Variants in PCDHA6 observed in about 807,000 individuals in gnomAD.
The protein encoded by PCDHA6 is protocadherin alpha-6.
In PCDHA6, 55 loss-of-function variants were observed where a neutral mutation model predicts 60.3. The observed-to-expected ratio is 0.91, with a 90% confidence interval of 0.73 to 1.14. PCDHA6 has a LOEUF of 1.14. Among genes scored for constraint, PCDHA6 ranks in the 50% most tolerant of loss-of-function variants. The probability of loss-of-function intolerance (pLI) is 0.00; values close to 1 mark genes in which losing one functional copy is unlikely to be tolerated. For synonymous variants in PCDHA6, 652 were observed against 557.9 expected, an observed-to-expected ratio of 1.17 and a Z score of -2.38; for missense variants, 1,327 against 1,256.5, an observed-to-expected ratio of 1.06 and a Z score of -0.85.
rs1554131652 is a variant in PCDHA6, at chr5:140,828,936, A to G, written c.845A>G (p.Asn282Ser). ...GANGAISYSF[N>S]SLVAAMVIDH... ...AATGGGGCAATTTCATATTCTTTTA[A>G]TAGCCTTGTTGCAGCCATGGTTATT... is the stretch of plus-strand genomic sequence containing the variant. Residue 282 changes from asparagine to serine, a missense_variant, in exon 1 of 4, where the codon AAT becomes AGT. Coordinates refer to ENST00000529310, the MANE Select transcript of PCDHA6 (RefSeq NM_018909.4). 5 of 1,614,144 alleles carry G rather than the reference A, an allele frequency of 3.1e-6. No homozygotes were observed. The highest frequency in any genetic ancestry group is 4.2e-6 in the Non-Finnish European group (5 of 1,180,064).
intron 1 of PCDHA6, among the ~76,000 whole-genome samples, chr5:140,941,202 C>CCTTTCTTCCTTTCTTTCTTTCTTT (rs1394736170): frequency 4.2e-3 from 519 of 122,694 alleles, no homozygotes; most frequent in African/African-American, 7.8e-3. Flanking sequence ...TTTCTTTCTT[C>CCTTTCTTCCTTTCTTTCTTTCTTT]CTTTCTTTCT....
At chr5:140,928,319 A>AGAAT (rs1554205765) in intron 1 of PCDHA6, 1 of 1,614,082 alleles carries the variant, frequency 6.2e-7, no homozygotes, top group Non-Finnish European at 8.5e-7. Flanking sequence ...GACCTGGGGA[A>AGAAT]GAATGGCCTT....
intron 1 of PCDHA6, chr5:140,856,495 T>C: frequency 6.3e-7 from 1 of 1,598,444 alleles, no homozygotes; most frequent in South Asian, 1.1e-5. Context: ...TGCTTGACTC[T>C]CGATTTCCAC....
chr5:140,969,028 A>G (rs1554231371), intron 1 of PCDHA6: 1 of 1,614,208 alleles, frequency 6.2e-7, no homozygotes, highest in Non-Finnish European at 8.5e-7. Context: ...GGTCCCCTGC[A>G]GAACTGTACA....
chr5:140,884,253 C>G (rs1356283866), intron 1 of PCDHA6: 2 of 1,613,302 alleles, frequency 1.2e-6, no homozygotes, highest in Non-Finnish European at 1.7e-6. Flanking sequence ...CTGACGGCCA[C>G]GGCAACGGTG....
Position 140,828,172 on chromosome 5 carries a change from G to T in PCDHA6, c.81G>T (p.Gly27=). The change falls in exon 1 of 4, where the codon GGG becomes GGT. Residue 27 remains glycine, a synonymous_variant. Transcript: ENST00000529310. The part of the protein sequence containing the change: ...PLLLLAAWKV[G]SGQLHYSVPE... ...TGCTCCTCGCAGCCTGGAAGGTGGG[G>T]AGCGGCCAGCTCCACTACTCCGTAC... 4 of 1,614,172 alleles carry T rather than the reference G, an allele frequency of 2.5e-6. No individual in the cohort carries two copies. Among genetic ancestry groups the T allele is most frequent in the South Asian group, 2.2e-5 (2 of 91,080 alleles).
At chr5:140,877,663 C>G in intron 1 of PCDHA6, 4 of 1,613,552 alleles carry the variant, frequency 2.5e-6, no homozygotes, top group Non-Finnish European at 3.4e-6. Context: ...CACCGTGAGC[C>G]GGTGCGCGCC....
intron 1 of PCDHA6, chr5:140,968,408 A>G: frequency 6.2e-7 from 1 of 1,613,980 alleles, no homozygotes; most frequent in Non-Finnish European, 8.5e-7. Flanking sequence ...GTTCTTTGTG[A>G]CTGTGGAGGC....
At chr5:140,834,568 G>A (rs2150221321) in intron 1 of PCDHA6, 2 of 1,613,978 alleles carry the variant, frequency 1.2e-6, no homozygotes, top group South Asian at 1.1e-5. Flanking sequence ...CTGGTGCCGC[G>A]CCTGTTCCGG....
chr5:140,946,019 C>CA (rs1222084270), intron 1 of PCDHA6, among the ~76,000 whole-genome samples: 3 of 151,732 alleles, frequency 2.0e-5, no homozygotes, highest in Non-Finnish European at 4.4e-5. Flanking sequence ...TCCTGCGCAG[C>CA]AAAGAAAACA....
intron 1 of PCDHA6, chr5:140,877,514 G>C: frequency 6.2e-7 from 1 of 1,613,764 alleles, no homozygotes; most frequent in South Asian, 1.1e-5. Context: ...ACGTCGTCGC[G>C]GGCCTCAGTG....
intron 1 of PCDHA6, among the ~76,000 whole-genome samples, chr5:140,831,530 T>C (rs1204695597): frequency 6.7e-6 from 1 of 150,262 alleles, no homozygotes; most frequent in Non-Finnish European, 1.5e-5. Flanking sequence ...CTTTTTTTTT[T>C]TTTTTTTTTT....
chr5:140,910,580 C>T (rs1384259049), intron 1 of PCDHA6, among the ~76,000 whole-genome samples: 1 of 152,162 alleles, frequency 6.6e-6, no homozygotes, highest in Non-Finnish European at 1.5e-5. Flanking sequence ...CTGGATCCTC[C>T]CAGCTGGGAT....
At chr5:140,838,842 A>G (rs1775908349) in intron 1 of PCDHA6, among the ~76,000 whole-genome samples, 1 of 151,970 alleles carries the variant, frequency 6.6e-6, no homozygotes. Flanking sequence ...GGATCACTTA[A>G]GCCAGGGAGG....
chr5:140,913,276 CT>C (rs1468388675), intron 1 of PCDHA6, among the ~76,000 whole-genome samples: 1 of 152,070 alleles, frequency 6.6e-6, no homozygotes, highest in Non-Finnish European at 1.5e-5. Flanking sequence ...TGTTATTGGT[CT>C]GTTTAGGTTT....
rs2150157633 is a variant in PCDHA6 at position 140,828,635 on chromosome 5, G to GTGAAAATAAACAGTGA, written c.548_563dup (p.Asp188GlufsTer5). The GTGAAAATAAACAGTGA allele has an allele frequency of 6.2e-7, 1 of 1,614,212 alleles. No homozygotes were observed. Among genetic ancestry groups the GTGAAAATAAACAGTGA allele is most frequent in the Non-Finnish European group, 8.5e-7 (1 of 1,180,030 alleles). ...TTCTAGCGAATACTTCGGGCTAGAT[G>GTGAAAATAAACAGTGA]TGAAAATAAACAGTGATGACAATAA... On this transcript the variant is annotated frameshift_variant, in exon 1 of 4. Transcript: ENST00000529310. LOFTEE classifies it high-confidence loss of function.
At chr5:140,853,237 A>G (rs2042681652) in intron 1 of PCDHA6, 3 of 980,666 alleles carry the variant, frequency 3.1e-6, no homozygotes, top group African/African-American at 1.8e-5. Flanking sequence ...TTAGTCCTTC[A>G]TATTAATCTC....
chr5:140,863,407 C>A (rs1343146552), intron 1 of PCDHA6: 4 of 788,794 alleles, frequency 5.1e-6, no homozygotes, highest in African/African-American at 1.7e-5. Flanking sequence ...CAAGCCCACG[C>A]TGGTGTACCG....
rs782248457 is a variant in PCDHA6, at chr5:140,927,179, C to G, written c.2395-51770C>G. 8 of 1,614,050 alleles carry G rather than the reference C, an allele frequency of 5.0e-6. No individual in the cohort carries two copies. The South Asian group carries it at 8.8e-5, about 18-fold the overall frequency. ...AGGGCCAAAGCTGCCTGCGTCTTGA[C>G]CTACGACCTGGTGCTCGAGGACCCG... On this transcript the variant is annotated intron_variant, in intron 1 of 3. Transcript: ENST00000529310.
Sources: gnomAD v4.1 joint callset for allele counts (sites outside exome capture counted in the v4.1 genomes callset) on GRCh38, gnomAD v4.1.1 for gene constraint, MANE v1.5 for transcripts, NCBI Gene and HGNC (gene_info 2026-07-23, HGNC 2026-07-21) for gene names.